The following PDE1C variants were observed in gnomAD, a reference collection of about 807,000 sequenced individuals.
PDE1C encodes the protein phosphodiesterase 1C, also known as dual specificity calcium/calmodulin-dependent 3',5'-cyclic nucleotide phosphodiesterase 1C.
Under a neutral mutation model 93.1 loss-of-function variants are expected in PDE1C, and 62 were observed. The observed-to-expected ratio is 0.67, with a 90% confidence interval of 0.54 to 0.82. The LOEUF (loss-of-function observed/expected upper bound fraction) is 0.82. PDE1C is among the 40% of genes least tolerant of loss of function. The pLI is 0.00. For synonymous variants in PDE1C, 325 were observed against 310.1 expected, an observed-to-expected ratio of 1.05 and a Z score of -0.50; for missense variants, 742 against 884.6, an observed-to-expected ratio of 0.84 and a Z score of 2.04.
intron 1 of PDE1C, among the ~76,000 whole-genome samples, chr7:32,367,170 A>G (rs963113345): frequency 6.6e-5 from 10 of 152,242 alleles, no homozygotes; most frequent in African/African-American, 1.7e-4. Flanking sequence ...CCAGCCTTAC[A>G]GGGAATGCTC....
At chr7:32,029,935 A>C (rs1044092177) in intron 2 of PDE1C, among the ~76,000 whole-genome samples, 1 of 152,146 alleles carries the variant, frequency 6.6e-6, no homozygotes, top group African/African-American at 2.4e-5. Context: ...TTAAGTGCCT[A>C]TCATTAAGAG....
intron 1 of PDE1C, among the ~76,000 whole-genome samples, chr7:32,065,956 A>C (rs1242669427): frequency 6.6e-6 from 1 of 152,198 alleles, no homozygotes; most frequent in East Asian, 1.9e-4. Context: ...AGGAACTGGG[A>C]CCTCCAGGAG....
At position 32,028,171 on chromosome 7, in the gene PDE1C, A is replaced by G. The variant is rs146999155; in HGVS notation, c.128+23383T>C. Reference sequence around the variant, plus strand: ...ATTAAGAGCATATTGTATTTAACTAATAGACTCAATTATTTATCATTTTAA... The same window carrying G: ...ATTAAGAGCATATTGTATTTAACTAGTAGACTCAATTATTTATCATTTTAA... On this transcript the variant is annotated intron_variant, in intron 2 of 17. Transcript: ENST00000396191. Among the ~76,000 whole-genome samples the G allele has an allele frequency of 6.8e-3, 1,029 of 152,256 alleles. 10 individuals are homozygous for G. Among genetic ancestry groups the G allele is most frequent in the African/African-American group, 0.023 (963 of 41,552 alleles).
intron 1 of PDE1C, among the ~76,000 whole-genome samples, chr7:32,281,323 T>C (rs923386323): frequency 6.6e-6 from 1 of 152,228 alleles, no homozygotes; most frequent in East Asian, 1.9e-4. Flanking sequence ...AAGGCTAAAA[T>C]GCCTATTTGC....
In PDE1C at chr7:32,085,550, A is replaced by G. The variant is rs1385683066; in HGVS notation, c.308+84235T>C. ...CCAAAGCCAGTCAGAGACACAACCA[A>G]AAAACAGAATTTTAGACCAATATCC... On this transcript the variant is annotated intron_variant, in intron 3 of 18. Transcript: ENST00000396193. Among the ~76,000 whole-genome samples the G allele has an allele frequency of 4.0e-5, 6 of 148,742 alleles. 1 individual carries two copies. The highest frequency in any genetic ancestry group is 1.5e-4 in the African/African-American group (6 of 39,916).
At chr7:32,203,342 C>G (rs1805166608) in intron 2 of PDE1C, among the ~76,000 whole-genome samples, 1 of 152,198 alleles carries the variant, frequency 6.6e-6, no homozygotes, top group African/African-American at 2.4e-5. Context: ...AGCACTGTCT[C>G]GGACATGATT....
rs370468474 is a variant in PDE1C at position 32,262,797 on chromosome 7, ATTAAAG to A, written c.85+35848_85+35853del. Among the ~76,000 whole-genome samples the A allele has an allele frequency of 1.5e-3, 221 of 152,320 alleles. 1 individual carries two copies. The highest frequency in any genetic ancestry group is 5.2e-3 in the African/African-American group (216 of 41,564). ...TTTGGGGATAGTATTTTGGAATAAG[ATTAAAG>A]TTGATTTTTAGAAAATTAAGGCAGA... On this transcript the variant is annotated intron_variant, in intron 1 of 18. Coordinates refer to the PDE1C transcript ENST00000396193.
intron 11 of PDE1C, among the ~76,000 whole-genome samples, chr7:31,834,426 C>G (rs1483280338): frequency 6.6e-6 from 1 of 152,144 alleles, no homozygotes; most frequent in African/African-American, 2.4e-5. Context: ...CCCAGGAAAG[C>G]AGTCAGGAGG....
chr7:31,643,667 C>G, the PDE1C span: 5 of 1,613,958 alleles, frequency 3.1e-6, no homozygotes, highest in Non-Finnish European at 4.2e-6. Flanking sequence ...CAGACTTCAG[C>G]TCTAAGCAAC....
chr7:32,341,455 G>A (rs1783755489), intron 1 of PDE1C, among the ~76,000 whole-genome samples: 1 of 151,932 alleles, frequency 6.6e-6, no homozygotes. Context: ...GATTACAGGC[G>A]TGAGCCACCG....
At chr7:32,108,034 T>G (rs1385233893) in intron 3 of PDE1C, among the ~76,000 whole-genome samples, 2 of 151,308 alleles carry the variant, frequency 1.3e-5, no homozygotes, top group Non-Finnish European at 2.9e-5. Flanking sequence ...AATAAAATTT[T>G]GTAAAATGCT....
At chr7:32,139,106 A>G (rs1435488350) in intron 3 of PDE1C, among the ~76,000 whole-genome samples, 2 of 152,108 alleles carry the variant, frequency 1.3e-5, no homozygotes, top group Non-Finnish European at 2.9e-5. Flanking sequence ...AGATACCTCT[A>G]TCCTGGTGGA....
At chr7:32,312,443 G>A (rs215620) in intron 1 of PDE1C, among the ~76,000 whole-genome samples, 32,697 of 151,750 alleles carry the variant, frequency 0.22, 4,222 homozygotes, top group East Asian at 0.29. Context: ...AGCCCGCATC[G>A]CCAAGTCAAT....
chr7:32,304,918 C>T (rs1812962178), intron 1 of PDE1C, among the ~76,000 whole-genome samples: 1 of 151,940 alleles, frequency 6.6e-6, no homozygotes, highest in Non-Finnish European at 1.5e-5. Context: ...ATACTAGGTC[C>T]CTTTTGCGCT....
chr7:32,405,504 G>A (rs1785036269), intron 1 of PDE1C, among the ~76,000 whole-genome samples: 1 of 152,136 alleles, frequency 6.6e-6, no homozygotes, highest in Non-Finnish European at 1.5e-5. Flanking sequence ...GCCCACCTCG[G>A]CCTCAGTGCT....
intron 3 of PDE1C, among the ~76,000 whole-genome samples, chr7:32,143,319 G>GATGACTGGGGAGCCCCATGAA (rs1800642619): frequency 6.6e-6 from 1 of 150,728 alleles, no homozygotes; most frequent in African/African-American, 2.4e-5. Context: ...CCACATACGA[G>GATGACTGGGGAGCCCCATGAA]ATGACTGGGG....
At chr7:31,808,963 A>G in intron 16 of PDE1C, 68 bp downstream of exon 16, 1 of 877,566 alleles carries the variant, frequency 1.1e-6, no homozygotes, top group Non-Finnish European at 1.9e-6. Context: ...AATTTTGGGT[A>G]TGATTCTAAC....
upstream of PDE1C, among the ~76,000 whole-genome samples, chr7:32,303,263 T>C (rs924681770): frequency 1.3e-5 from 2 of 152,080 alleles, no homozygotes; most frequent in Non-Finnish European, 2.9e-5. Flanking sequence ...AACCAAGAGT[T>C]CTAGCTAATC....
At chr7:31,670,870 A>G in the PDE1C span, among the ~76,000 whole-genome samples, 1 of 152,162 alleles carries the variant, frequency 6.6e-6, no homozygotes, top group South Asian at 2.1e-4. Flanking sequence ...AGCAGAGAGG[A>G]GAAGCAGCTG....
Sources: allele counts gnomAD v4.1 joint callset (sites outside exome capture counted in the v4.1 genomes callset), GRCh38; gene constraint gnomAD v4.1.1; transcripts MANE v1.5; gene names NCBI Gene and HGNC (gene_info 2026-07-23, HGNC 2026-07-21).